Variants in SYNDIG1 observed in about 807,000 individuals in gnomAD.
SYNDIG1 encodes synapse differentiation-inducing gene protein 1.
SYNDIG1 carries 9 observed loss-of-function variants against 19.4 expected under a neutral mutation model. The observed-to-expected ratio is 0.46, with a 90% CI of 0.28 to 0.81. SYNDIG1 has a LOEUF of 0.81. Ranked by LOEUF, SYNDIG1 falls within the 30% of genes least tolerant of loss-of-function variation. SYNDIG1 has a pLI of 0.12. For synonymous variants in SYNDIG1, 141 were observed against 145.9 expected, an observed-to-expected ratio of 0.97 and a Z score of 0.24; for missense variants, 311 against 343.3, an observed-to-expected ratio of 0.91 and a Z score of 0.74.
At chr20:24,627,144 GGAGAGGGAGAGC>G (rs1352030043) in intron 3 of SYNDIG1, among the ~76,000 whole-genome samples, 7 of 103,448 alleles carry the variant, frequency 6.8e-5, no homozygotes, top group East Asian at 2.0e-4. Context: ...AGAGGGAGAG[GGAGAGGGAGAGC>G]GAGAGCGAGA....
chr20:24,546,963 ACT>A (rs2057589963), intron 2 of SYNDIG1, among the ~76,000 whole-genome samples: 1 of 152,224 alleles, frequency 6.6e-6, no homozygotes, highest in South Asian at 2.1e-4. Context: ...GCAAATGGAT[ACT>A]GTTTCCCAAA....
chr20:24,589,840 A>G (rs2058478123), intron 3 of SYNDIG1, among the ~76,000 whole-genome samples: 1 of 152,188 alleles, frequency 6.6e-6, no homozygotes, highest in African/African-American at 2.4e-5. Context: ...GAAAAAAGAG[A>G]ATCTTTTTAT....
At chr20:24,590,326 G>A (rs1321690774) in intron 3 of SYNDIG1, among the ~76,000 whole-genome samples, 2 of 151,896 alleles carry the variant, frequency 1.3e-5, no homozygotes, top group Admixed American at 1.3e-4. Flanking sequence ...GGGGGTAGGG[G>A]TAACTAACAA....
In SYNDIG1 at chr20:24,569,297, T is replaced by C. The variant is rs556029623; in HGVS notation, c.481-15559T>C. ...GACTCGTGTGTCCATGTCTAGTGCT[T>C]TTCCTCGCTCAAAGGGGTGGCATCC... On this transcript the variant is annotated intron_variant, in intron 2 of 3. Coordinates refer to ENST00000376862, the MANE Select transcript of SYNDIG1 (RefSeq NM_024893.3). 3.3e-5 allele frequency among the ~76,000 whole-genome samples: 5 copies of C among 152,316 alleles called. No homozygotes were observed. The South Asian group carries it at 1.0e-3, about 32-fold the overall frequency.
chr20:24,595,625 C>G (rs1333643808), intron 3 of SYNDIG1, among the ~76,000 whole-genome samples: 1 of 152,126 alleles, frequency 6.6e-6, no homozygotes, highest in Non-Finnish European at 1.5e-5. Context: ...GCCATATAGT[C>G]CTTTCCAGTT....
intron 2 of SYNDIG1, among the ~76,000 whole-genome samples, chr20:24,546,979 TGCCGTTTTCAAAAA>T (rs1372123917): frequency 6.6e-6 from 1 of 152,232 alleles, no homozygotes; most frequent in Non-Finnish European, 1.5e-5. Flanking sequence ...TCCCAAATAA[TGCCGTTTTCAAAAA>T]GCCATTGCCC....
At chr20:24,550,964 A>C (rs2057696137) in intron 2 of SYNDIG1, among the ~76,000 whole-genome samples, 1 of 152,154 alleles carries the variant, frequency 6.6e-6, no homozygotes, top group African/African-American at 2.4e-5. Context: ...GTTGATCTGC[A>C]GTTTTCTCTT....
chr20:24,530,252 A>G (rs2057228776), intron 1 of SYNDIG1, among the ~76,000 whole-genome samples: 1 of 152,168 alleles, frequency 6.6e-6, no homozygotes, highest in Non-Finnish European at 1.5e-5. Flanking sequence ...CTGCTTATAA[A>G]TCAGATTTGG....
At chr20:24,471,303 G>A (rs943970693) in intron 1 of SYNDIG1, among the ~76,000 whole-genome samples, 1 of 152,066 alleles carries the variant, frequency 6.6e-6, no homozygotes, top group African/African-American at 2.4e-5. Flanking sequence ...GGAGGCGGGC[G>A]GGGGGCAGTC....
chr20:24,520,777 A>AT (rs1443756884), intron 1 of SYNDIG1, among the ~76,000 whole-genome samples: 4 of 152,068 alleles, frequency 2.6e-5, no homozygotes, highest in African/African-American at 9.7e-5. Flanking sequence ...GTACACCAAC[A>AT]TTGTTACTTC....
intron 1 of SYNDIG1, among the ~76,000 whole-genome samples, chr20:24,499,716 G>C (rs922638832): frequency 1.3e-5 from 2 of 152,312 alleles, no homozygotes; most frequent in Admixed American, 1.3e-4. Context: ...CCCTGCCCGG[G>C]TAGAGGCTGC....
chr20:24,611,051 G>A lies in SYNDIG1; in HGVS notation c.618+26058G>A, dbSNP rs956213873. 2.0e-5 allele frequency among the ~76,000 whole-genome samples: 3 copies of A among 152,216 alleles called. No individual in the cohort carries two copies. In the East Asian group the frequency reaches 5.8e-4, roughly 29 times the overall value. On this transcript the variant is annotated intron_variant, in intron 3 of 3. Transcript: ENST00000376862. The stretch of plus-strand genomic sequence containing the variant: ...ATCTGCTCCCCTAGCTGAACCACGC[G>A]ATGCTCAGGATATTGCCTCTGAGTG...
chr20:24,592,617 AATT>A (rs1391163457), intron 3 of SYNDIG1, among the ~76,000 whole-genome samples: 2 of 152,130 alleles, frequency 1.3e-5, no homozygotes, highest in African/African-American at 4.8e-5. Flanking sequence ...TTTTAAAATT[AATT>A]ATTTAATTTT....
chr20:24,646,081 C>G (rs146285716), intron 3 of SYNDIG1, among the ~76,000 whole-genome samples: 1 of 152,178 alleles, frequency 6.6e-6, no homozygotes, highest in African/African-American at 2.4e-5. Context: ...CACATCTGAG[C>G]CCCTCTTCAG....
At chr20:24,596,214 C>A (rs2058592127) in intron 3 of SYNDIG1, among the ~76,000 whole-genome samples, 2 of 152,112 alleles carry the variant, frequency 1.3e-5, no homozygotes, top group African/African-American at 2.4e-5. Flanking sequence ...TTATTGTTTA[C>A]CCAAAAGTCA....
At chr20:24,473,368 T>C (rs1465831454) in intron 1 of SYNDIG1, among the ~76,000 whole-genome samples, 1 of 152,172 alleles carries the variant, frequency 6.6e-6, no homozygotes, top group African/African-American at 2.4e-5. Flanking sequence ...ACATTAGAGA[T>C]AGGCTGACCA....
At chr20:24,594,263 G>T (rs978782049) in intron 3 of SYNDIG1, among the ~76,000 whole-genome samples, 2 of 152,156 alleles carry the variant, frequency 1.3e-5, no homozygotes, top group African/African-American at 4.8e-5. Flanking sequence ...TAGCCAGACA[G>T]TTATCCTATC....
At chr20:24,612,982 T>G (rs1194768715) in intron 3 of SYNDIG1, among the ~76,000 whole-genome samples, 1 of 152,152 alleles carries the variant, frequency 6.6e-6, no homozygotes, top group South Asian at 2.1e-4. Flanking sequence ...ACAACACTGA[T>G]GAGATGGGAA....
chr20:24,507,805 T>A (rs1384948070), intron 1 of SYNDIG1, among the ~76,000 whole-genome samples: 1 of 152,188 alleles, frequency 6.6e-6, no homozygotes, highest in Non-Finnish European at 1.5e-5. Context: ...TTTCCTCCTG[T>A]CCAGGACATG....
Sources: allele counts gnomAD v4.1 joint callset (sites outside exome capture counted in the v4.1 genomes callset), GRCh38; gene constraint gnomAD v4.1.1; transcripts MANE v1.5; gene names NCBI Gene and HGNC (gene_info 2026-07-23, HGNC 2026-07-21).